The following LIPI variants were observed in gnomAD, a reference collection of about 807,000 sequenced individuals.
LIPI encodes lipase I.
Under a neutral mutation model 50.6 loss-of-function variants are expected in LIPI, and 59 were observed. The ratio of observed to expected loss-of-function variants is 1.16; its 90% CI spans 0.94 to 1.45. LIPI has a LOEUF of 1.45. Ranked by LOEUF, LIPI falls within the 40% of genes most tolerant of loss-of-function variation. The pLI is 0.00. For missense variants in LIPI, 586 were observed against 536.3 expected, an observed-to-expected ratio of 1.09 and a Z score of -0.92; for synonymous variants, 203 against 178.2, an observed-to-expected ratio of 1.14 and a Z score of -1.11.
chr21:14,205,606 C>T (rs2020204466), intron 1 of LIPI, among the ~76,000 whole-genome samples: 1 of 151,784 alleles, frequency 6.6e-6, no homozygotes, highest in Non-Finnish European at 1.5e-5. Context: ...ATGTAGTTTG[C>T]AGTGATGCTG....
chr21:14,197,497 T>C (rs2019902463), intron 1 of LIPI, among the ~76,000 whole-genome samples: 1 of 151,798 alleles, frequency 6.6e-6, no homozygotes, highest in Non-Finnish European at 1.5e-5. Context: ...AATAGCAGAA[T>C]AGACCAAGCA....
At chr21:14,137,641 A>G (rs2017551671) in intron 9 of LIPI, among the ~76,000 whole-genome samples, 1 of 152,206 alleles carries the variant, frequency 6.6e-6, no homozygotes, top group South Asian at 2.1e-4. Flanking sequence ...AAAAGGAGGT[A>G]GAGAAAGAGA....
chr21:14,113,640 AT>A (rs34539940), intron 9 of LIPI, among the ~76,000 whole-genome samples: 49,170 of 152,012 alleles, frequency 0.32, 8,694 homozygotes, highest in African/African-American at 0.46. Context: ...CAGAAAAAAA[AT>A]CTCAAAAAAA....
intron 9 of LIPI, among the ~76,000 whole-genome samples, chr21:14,119,944 G>A (rs899266583): frequency 1.1e-4 from 16 of 152,134 alleles, no homozygotes; most frequent in African/African-American, 3.9e-4. Flanking sequence ...GGAACAGAGA[G>A]GACATCATTG....
chr21:14,164,279 A>C (rs2018596537), intron 6 of LIPI, among the ~76,000 whole-genome samples: 1 of 152,040 alleles, frequency 6.6e-6, no homozygotes, highest in Admixed American at 6.6e-5. Context: ...TTATATATTC[A>C]CTCTGGGTTA....
At chr21:14,138,491 C>G (rs1200786022) in intron 9 of LIPI, among the ~76,000 whole-genome samples, 1 of 152,030 alleles carries the variant, frequency 6.6e-6, no homozygotes, top group Non-Finnish European at 1.5e-5. Flanking sequence ...GTGCAAGGCA[C>G]TCAGACTAAA....
At chr21:14,147,297 T>G (rs921224197) in intron 8 of LIPI, among the ~76,000 whole-genome samples, 5 of 152,128 alleles carry the variant, frequency 3.3e-5, no homozygotes, top group African/African-American at 1.2e-4. Flanking sequence ...TCTATATACA[T>G]TATGATTTAT....
intron 9 of LIPI, among the ~76,000 whole-genome samples, chr21:14,118,451 T>C (rs2016738035): frequency 6.6e-6 from 1 of 152,188 alleles, no homozygotes; most frequent in African/African-American, 2.4e-5. Flanking sequence ...AAGTCCAACG[T>C]AAGTTCTTAT....
At chr21:14,160,679 C>T (rs999934952) in intron 7 of LIPI, among the ~76,000 whole-genome samples, 1 of 151,042 alleles carries the variant, frequency 6.6e-6, no homozygotes, top group Non-Finnish European at 1.5e-5. Flanking sequence ...TTTTCTCTGC[C>T]CATGCTTTTG....
At chr21:14,185,792 AGAATCACTTAAGCCCAC>A (rs2019431479) in intron 3 of LIPI, among the ~76,000 whole-genome samples, 152 bp downstream of exon 3, 1 of 152,072 alleles carries the variant, frequency 6.6e-6, no homozygotes, top group Admixed American at 6.5e-5. Flanking sequence ...CTGAGGCAGG[AGAATCACTTAAGCCCAC>A]GAAGCAGAGG....
intron 1 of LIPI, among the ~76,000 whole-genome samples, chr21:14,191,446 C>G (rs2019673391): frequency 6.6e-6 from 1 of 150,416 alleles, no homozygotes; most frequent in African/African-American, 2.4e-5. Context: ...TGAAATTACA[C>G]TAGAGAAAAG....
chr21:14,164,869 C>A (rs554801274), intron 6 of LIPI, among the ~76,000 whole-genome samples: 61 of 152,160 alleles, frequency 4.0e-4, no homozygotes, highest in Admixed American at 1.1e-3. Context: ...AACAAAAAAA[C>A]CTCAGTGTTG....
rs570014252 is a variant in LIPI at position 14,159,159 on chromosome 21, G to A, written c.1006+4260C>T. On this transcript the variant is annotated intron_variant, in intron 7 of 9. Transcript: ENST00000681601. ...TGACGTTGTATTATTATAGTAGTACGAATACGCTATTACTGTTATGCCAAA... is the reference window on the plus strand; with the variant it reads ...TGACGTTGTATTATTATAGTAGTACAAATACGCTATTACTGTTATGCCAAA... Among the ~76,000 whole-genome samples the A allele has an allele frequency of 1.1e-4, 17 of 151,274 alleles. 1 individual carries two copies. The highest frequency in any genetic ancestry group is 4.1e-4 in the African/African-American group (17 of 41,430).
Position 14,152,568 on chromosome 21 carries a change from C to T in LIPI, c.1118+5G>A. The T allele has an allele frequency of 7.3e-7, 1 of 1,375,506 alleles. No individual in the cohort carries two copies. The highest frequency in any genetic ancestry group is 1.0e-6 in the Non-Finnish European group (1 of 968,084). The allele number at this position is 1,375,506 out of a possible 1,614,324, so 85.2% of individuals were successfully genotyped here. On this transcript the variant is annotated splice_donor_5th_base_variant and intron_variant, in intron 8 of 9. Coordinates refer to ENST00000681601, the MANE Select transcript of LIPI (RefSeq NM_001302998.2). ...TGAGAGAAGAAAATAGTAAATTTTA[C>T]TTACTCATAAAGCCTTGGCTCTTCA... is the stretch of plus-strand genomic sequence containing the variant.
chr21:14,108,867 A>G lies in LIPI; in HGVS notation c.*126T>C. ...ATTTTCTTTATTTTTGATTCTTAAA[A>G]TTTTTTCCAAGAAATAGAAATACTT... On this transcript the variant is annotated 3_prime_UTR_variant, in exon 10 of 10. Coordinates refer to ENST00000681601, the MANE Select transcript of LIPI (RefSeq NM_001302998.2). The G allele has an allele frequency of 8.5e-7, 1 of 1,172,644 alleles. No homozygotes were observed. The highest frequency in any genetic ancestry group is 1.2e-6 in the Non-Finnish European group (1 of 816,088). The allele number at this position is 1,172,644 out of a possible 1,614,324, so 72.6% of individuals were successfully genotyped here.
At chr21:14,151,451 C>A (rs1339913349) in intron 8 of LIPI, among the ~76,000 whole-genome samples, 1 of 152,120 alleles carries the variant, frequency 6.6e-6, no homozygotes, top group Admixed American at 6.5e-5. Context: ...TTGGAAATAC[C>A]AACCATGCTT....
intron 8 of LIPI, among the ~76,000 whole-genome samples, chr21:14,151,177 G>C (rs945759224): frequency 1.3e-5 from 2 of 152,074 alleles, no homozygotes; most frequent in African/African-American, 4.8e-5. Flanking sequence ...ATGTTTGAAA[G>C]GTTTACCTAC....
At chr21:14,209,336 T>G (rs1283292566) in intron 1 of LIPI, among the ~76,000 whole-genome samples, 1 of 152,206 alleles carries the variant, frequency 6.6e-6, no homozygotes, top group African/African-American at 2.4e-5. Context: ...GATTTTCATG[T>G]TGACAACCAT....
intron 1 of LIPI, among the ~76,000 whole-genome samples, chr21:14,190,964 G>A (rs536361321): frequency 2.8e-4 from 42 of 152,188 alleles, no homozygotes; most frequent in African/African-American, 1.0e-3. Flanking sequence ...ATAAATACAA[G>A]AGAAAGAAAT....
Sources: gnomAD v4.1 joint callset for allele counts (sites outside exome capture counted in the v4.1 genomes callset) on GRCh38, gnomAD v4.1.1 for gene constraint, MANE v1.5 for transcripts, NCBI Gene and HGNC (gene_info 2026-07-23, HGNC 2026-07-21) for gene names.